UNC5A: variants seen among roughly 807,000 people sequenced by gnomAD.
UNC5A encodes the protein unc-5 netrin receptor A.
A neutral mutation model predicts 87.4 loss-of-function variants in UNC5A; 20 were observed. The observed-to-expected ratio is 0.23, with a 90% CI of 0.16 to 0.33. The LOEUF is 0.33. Ranked by LOEUF, UNC5A falls within the 10% of genes least tolerant of loss-of-function variation. The probability of loss-of-function intolerance (pLI) is 1.00; values close to 1 mark genes in which losing one functional copy is unlikely to be tolerated. For missense variants in UNC5A, 844 were observed against 1,133.4 expected, an observed-to-expected ratio of 0.74 and a Z score of 3.67; for synonymous variants, 438 against 482.3, an observed-to-expected ratio of 0.91 and a Z score of 1.20.
intron 1 of UNC5A, among the ~76,000 whole-genome samples, chr5:176,857,478 C>T (rs1757694977): frequency 6.6e-6 from 1 of 152,058 alleles, no homozygotes; most frequent in African/African-American, 2.4e-5. Flanking sequence ...CCCCCGTTGG[C>T]CCCCAGCCTC....
intron 1 of UNC5A, among the ~76,000 whole-genome samples, chr5:176,836,959 C>T (rs1757159793): frequency 6.6e-6 from 1 of 152,200 alleles, no homozygotes; most frequent in Non-Finnish European, 1.5e-5. Flanking sequence ...GAGGAAGTCC[C>T]TGCCAGAGCC....
intron 1 of UNC5A, among the ~76,000 whole-genome samples, chr5:176,851,520 C>T (rs1404633909): frequency 1.3e-5 from 2 of 152,346 alleles, no homozygotes; most frequent in South Asian, 4.1e-4. Flanking sequence ...TAATTGCCAG[C>T]AACATTGTAA....
chr5:176,828,411 C>T (rs1240640506), intron 1 of UNC5A, among the ~76,000 whole-genome samples: 1 of 152,052 alleles, frequency 6.6e-6, no homozygotes, highest in African/African-American at 2.4e-5. Flanking sequence ...CCACCTGTGC[C>T]CACCCTGCGC....
chr5:176,859,910 G>A (rs187372459), intron 1 of UNC5A, among the ~76,000 whole-genome samples: 31 of 152,360 alleles, frequency 2.0e-4, no homozygotes, highest in Middle Eastern at 3.4e-3. Flanking sequence ...CCACTGTGGC[G>A]TGACAGAGGC....
chr5:176,812,509 G>A (rs970893658), intron 1 of UNC5A, among the ~76,000 whole-genome samples: 7 of 152,222 alleles, frequency 4.6e-5, no homozygotes, highest in Non-Finnish European at 5.9e-5. Flanking sequence ...CATGCCGCAC[G>A]TGTGTGACGG....
At chr5:176,812,598 C>T (rs558285380) in intron 1 of UNC5A, among the ~76,000 whole-genome samples, 2 of 152,008 alleles carry the variant, frequency 1.3e-5, no homozygotes, top group South Asian at 2.1e-4. Context: ...CGGCCTGGAG[C>T]GGGGGGTTGC....
Position 176,874,108 on chromosome 5 carries a change from A to G in UNC5A, c.1027A>G (p.Ile343Val), listed in dbSNP as rs889969670. The change falls in exon 7 of 15, where the codon ATT (isoleucine) becomes GTT (valine). Residue 343 changes from isoleucine to valine, a missense_variant. Coordinates refer to ENST00000329542, the MANE Select transcript of UNC5A (RefSeq NM_133369.3). This position sits in a 1 kb window ranked among gnomAD's most constrained non-coding sequence, Gnocchi z 7.6. Reference protein sequence around the residue: ...GLDSDVADSSILTSGFQPVSI... With the variant: ...GLDSDVADSSVLTSGFQPVSI... ...GGACTCAGATGTGGCTGACTCGTCCATTCTCACCTCAGGCTTCCAGCCCGT... is the reference window on the plus strand; with the variant it reads ...GGACTCAGATGTGGCTGACTCGTCCGTTCTCACCTCAGGCTTCCAGCCCGT... The G allele has an allele frequency of 9.3e-6, 15 of 1,613,956 alleles. No individual in the cohort carries two copies. The highest frequency in any genetic ancestry group is 2.2e-5 in the East Asian group (1 of 44,878).
rs566727338 is a variant in UNC5A at position 176,855,732 on chromosome 5, G to A, written c.71-6892G>A. Among the ~76,000 whole-genome samples the A allele has an allele frequency of 8.4e-4, 128 of 152,314 alleles. 1 individual carries two copies. The highest frequency in any genetic ancestry group is 1.4e-3 in the Non-Finnish European group (96 of 68,008). ...CCGGACATCCGAGCACCTGTAGAGCGGGGAACCCAGGCCCTGGTGGACCTA... is the reference window on the plus strand; with the variant it reads ...CCGGACATCCGAGCACCTGTAGAGCAGGGAACCCAGGCCCTGGTGGACCTA... On this transcript the variant is annotated intron_variant, in intron 1 of 14. Coordinates refer to ENST00000329542, the MANE Select transcript of UNC5A (RefSeq NM_133369.3).
chr5:176,879,494 C>G lies in UNC5A; in HGVS notation c.2363+6C>G, dbSNP rs563813382. The G allele has an allele frequency of 1.3e-6, 2 of 1,597,834 alleles. No individual in the cohort carries two copies. On this transcript the variant is annotated splice_donor_region_variant and intron_variant, in intron 14 of 14. Coordinates refer to ENST00000329542, the MANE Select transcript of UNC5A (RefSeq NM_133369.3). ...CAGAAACTCCACCTGGACAGGTGGG[C>G]GGGAGAGGGGCAGAGAGGGCCTGCG...
chr5:176,864,331 G>A (rs931920510), intron 2 of UNC5A, among the ~76,000 whole-genome samples: 11 of 152,200 alleles, frequency 7.2e-5, no homozygotes, highest in African/African-American at 1.9e-4. Flanking sequence ...AGGAGACTGC[G>A]CTAAGGGGCC....
At chr5:176,840,573 C>T (rs187686175) in intron 1 of UNC5A, among the ~76,000 whole-genome samples, 129 of 152,296 alleles carry the variant, frequency 8.5e-4, no homozygotes, top group African/African-American at 2.9e-3. Context: ...TCCATTGGTC[C>T]GGAGCAGAGC....
Position 176,878,758 on chromosome 5 carries a change from A to G in UNC5A, c.2184+119A>G, listed in dbSNP as rs867004397. On this transcript the variant is annotated intron_variant, in intron 13 of 14. Coordinates refer to ENST00000329542, the MANE Select transcript of UNC5A (RefSeq NM_133369.3). ...CCCACTCTCCCTCCCGCCTGTCCCC[A>G]GGCCCACCTCCTCCTAGAAACCCCT... 42 of 1,340,606 alleles carry G rather than the reference A, an allele frequency of 3.1e-5. No individual in the cohort carries two copies. In the African/African-American group the frequency reaches 4.2e-4, roughly 14 times the overall value. The allele number at this position is 1,340,606 out of a possible 1,614,324, so 83.0% of individuals were successfully genotyped here. A position where few individuals can be genotyped will look rare whatever the true frequency, so the allele number is the denominator to read the frequency against.
intron 1 of UNC5A, among the ~76,000 whole-genome samples, chr5:176,852,469 C>T (rs1222754278): frequency 2.6e-5 from 4 of 152,188 alleles, no homozygotes; most frequent in Admixed American, 6.5e-5. Context: ...TTCCCTGGGC[C>T]GTGTGACCAC....
intron 2 of UNC5A, among the ~76,000 whole-genome samples, chr5:176,867,895 C>G (rs971361653): frequency 6.6e-6 from 1 of 152,096 alleles, no homozygotes; most frequent in South Asian, 2.1e-4. Flanking sequence ...GTCTACCCTG[C>G]CTGCCCGGGG....
In UNC5A at chr5:176,824,883, C is replaced by T. The variant is rs867128565; in HGVS notation, c.70+14063C>T. Among the ~76,000 whole-genome samples, 21 of 151,998 alleles carry T rather than the reference C, an allele frequency of 1.4e-4. No individual in the cohort carries two copies. Among genetic ancestry groups the T allele is most frequent in the Non-Finnish European group, 8.8e-5 (6 of 67,976 alleles). On this transcript the variant is annotated intron_variant, in intron 1 of 14. Transcript: ENST00000329542. The surrounding 1 kb of genome is among the most constrained non-coding windows in gnomAD (Gnocchi z 4.2). ...CCACCCCATGCACCCCCAGTGCCTGCGCACTGCCCTCTCTTTGCCACTCAC... is the reference window on the plus strand; with the variant it reads ...CCACCCCATGCACCCCCAGTGCCTGTGCACTGCCCTCTCTTTGCCACTCAC...
chr5:176,825,761 C>A (rs533742897), intron 1 of UNC5A, among the ~76,000 whole-genome samples: 1 of 152,274 alleles, frequency 6.6e-6, no homozygotes, highest in South Asian at 2.1e-4. Flanking sequence ...GGCAGAAGGT[C>A]CAGAGCCTCA....
chr5:176,867,209 G>A (rs1757996387), intron 2 of UNC5A, among the ~76,000 whole-genome samples: 1 of 152,226 alleles, frequency 6.6e-6, no homozygotes, highest in African/African-American at 2.4e-5. Context: ...GAAGCAAACA[G>A]TCTTTTCTCA....
At position 176,868,204 on chromosome 5, in the gene UNC5A, T is replaced by C. The variant is rs1448214987; in HGVS notation, c.367T>C (p.Trp123Arg). The C allele has an allele frequency of 6.2e-7, 1 of 1,613,516 alleles. No individual in the cohort carries two copies. Among genetic ancestry groups the C allele is most frequent in the Admixed American group, 1.7e-5 (1 of 59,980 alleles). The part of the protein sequence containing the change: ...VEKVFGLEEY[W>R]CQCVAWSSSG... ...GAAGGTGTTCGGGCTGGAGGAATAC[T>C]GGTGCCAGTGCGTGGCATGGAGCTC... Residue 123 changes from tryptophan to arginine, a missense_variant, in exon 3 of 15, where the codon TGG becomes CGG. This residue lies in a region of UNC5A where 314 missense variants were observed against 466.5 expected (regional missense o/e 0.67). Coordinates refer to ENST00000329542, the MANE Select transcript of UNC5A (RefSeq NM_133369.3).
chr5:176,869,577 C>A lies in UNC5A; in HGVS notation c.721+613C>A. On this transcript the variant is annotated intron_variant, in intron 5 of 14. Coordinates refer to ENST00000329542, the MANE Select transcript of UNC5A (RefSeq NM_133369.3). This position sits in a 1 kb window ranked among gnomAD's most constrained non-coding sequence, Gnocchi z 9.1. ...CTGGGCCAGTGTATCTGAGGACGCC[C>A]CCGCTCCCTGACCCCAGTCCTTCTC... The A allele has an allele frequency of 1.5e-6, 1 of 685,072 alleles. No individual in the cohort carries two copies. The highest frequency in any genetic ancestry group is 2.7e-6 in the Non-Finnish European group (1 of 374,812). The allele number at this position is 685,072 out of a possible 1,614,324, so 42.4% of individuals were successfully genotyped here. A position where few individuals can be genotyped will look rare whatever the true frequency, so the allele number is the denominator to read the frequency against.
Sources: allele counts gnomAD v4.1 joint callset (sites outside exome capture counted in the v4.1 genomes callset), GRCh38; gene constraint gnomAD v4.1.1; regional missense constraint gnomAD v4.1.1; non-coding constraint Gnocchi (gnomAD v3.1); transcripts MANE v1.5; gene names NCBI Gene and HGNC (gene_info 2026-07-23, HGNC 2026-07-21).